Variants in MAPKAP1 observed in about 807,000 individuals in gnomAD.
MAPKAP1 encodes the protein MAPK associated protein 1.
Under a neutral mutation model 65.7 loss-of-function variants are expected in MAPKAP1, and 20 were observed. The observed-to-expected ratio is 0.30, with a 90% confidence interval of 0.21 to 0.44. The LOEUF (loss-of-function observed/expected upper bound fraction) is 0.44. Among genes scored for constraint, MAPKAP1 ranks in the 20% least tolerant of loss-of-function variants. The probability of loss-of-function intolerance (pLI) is 1.00; values close to 1 mark genes in which losing one functional copy is unlikely to be tolerated. For missense variants in MAPKAP1, 423 were observed against 648.0 expected (o/e 0.65, Z 3.77); for synonymous variants, 222 against 244.3 (o/e 0.91, Z 0.85).
intron 4 of MAPKAP1, among the ~76,000 whole-genome samples, chr9:125,593,798 T>C (rs1232883858): frequency 6.6e-6 from 1 of 152,216 alleles, no homozygotes; most frequent in Non-Finnish European, 1.5e-5. Flanking sequence ...GTACTTCCTA[T>C]AGCAAAACTT....
chr9:125,543,871 T>C (rs1470473154), intron 6 of MAPKAP1, among the ~76,000 whole-genome samples: 1 of 152,082 alleles, frequency 6.6e-6, no homozygotes, highest in Admixed American at 6.6e-5. Context: ...TAGATGTCAC[T>C]ACAGGCAGAT....
chr9:125,635,535 C>T (rs148529500), intron 4 of MAPKAP1, among the ~76,000 whole-genome samples: 3 of 152,298 alleles, frequency 2.0e-5, no homozygotes, highest in Admixed American at 6.5e-5. Flanking sequence ...GCCACAAGAC[C>T]GTTCATGAAG....
At chr9:125,506,559 TG>T (rs2133084861) in intron 7 of MAPKAP1, 142 bp from the exon 8 acceptor site, 1 of 678,200 alleles carries the variant, frequency 1.5e-6, no homozygotes, top group South Asian at 1.9e-5. Context: ...CTATCCAGGA[TG>T]GAAGTTTGGG....
At chr9:125,484,059 C>T (rs1854409171) in intron 9 of MAPKAP1, among the ~76,000 whole-genome samples, 1 of 152,098 alleles carries the variant, frequency 6.6e-6, no homozygotes, top group Non-Finnish European at 1.5e-5. Context: ...TAAAAAGCTT[C>T]CTGAATAAAG....
chr9:125,503,926 G>T (rs548085709), intron 8 of MAPKAP1, among the ~76,000 whole-genome samples: 1 of 122,588 alleles, frequency 8.2e-6, no homozygotes, highest in African/African-American at 3.4e-5. Flanking sequence ...TGGTAGAGAC[G>T]GGGGTTTGCC....
chr9:125,679,878 G>A (rs1321213909), intron 1 of MAPKAP1, among the ~76,000 whole-genome samples: 2 of 152,116 alleles, frequency 1.3e-5, no homozygotes, highest in African/African-American at 4.8e-5. Context: ...TGTCAGAATA[G>A]GCAACAGCCC....
chr9:125,591,265 G>A (rs867348157), intron 4 of MAPKAP1, among the ~76,000 whole-genome samples: 18 of 152,098 alleles, frequency 1.2e-4, no homozygotes, highest in African/African-American at 4.1e-4. Flanking sequence ...ACTCTTCAAG[G>A]CTTGAAAATC....
At chr9:125,675,410 TGAA>T (rs1379861107) in intron 1 of MAPKAP1, among the ~76,000 whole-genome samples, 1 of 152,178 alleles carries the variant, frequency 6.6e-6, no homozygotes, top group East Asian at 1.9e-4. Context: ...AGATCACTTC[TGAA>T]GATAAGAGGA....
At chr9:125,538,631 C>T (rs1211560716) in intron 7 of MAPKAP1, among the ~76,000 whole-genome samples, 1 of 152,126 alleles carries the variant, frequency 6.6e-6, no homozygotes, top group Non-Finnish European at 1.5e-5. Flanking sequence ...CTTTGACTGG[C>T]ATTGTCCCTG....
chr9:125,693,720 C>T lies in MAPKAP1; in HGVS notation c.-70+13251G>A, dbSNP rs552312955. On this transcript the variant is annotated intron_variant, in intron 1 of 11. Coordinates refer to ENST00000265960, the MANE Select transcript of MAPKAP1 (RefSeq NM_001006617.3). ...ACACGTATATATACACATATATACA[C>T]GTATATACACATATATACACGTATA... Among the ~76,000 whole-genome samples, 38 of 135,524 alleles carry T rather than the reference C, an allele frequency of 2.8e-4. 5 individuals carry two copies. Among genetic ancestry groups the T allele is most frequent in the African/African-American group, 9.6e-4 (32 of 33,240 alleles). 88.9% of individuals were successfully genotyped at this position (135,524 alleles called of 152,430 possible).
chr9:125,690,696 T>C (rs901498563), intron 1 of MAPKAP1, among the ~76,000 whole-genome samples: 1 of 152,098 alleles, frequency 6.6e-6, no homozygotes, highest in African/African-American at 2.4e-5. Context: ...AGATGAGAAA[T>C]TGGAAGGTTC....
chr9:125,560,517 G>A (rs965492608), intron 5 of MAPKAP1, among the ~76,000 whole-genome samples: 2 of 152,192 alleles, frequency 1.3e-5, no homozygotes, highest in Non-Finnish European at 2.9e-5. Context: ...CCGTGAGGTC[G>A]AGGCTGCAGT....
chr9:125,593,319 T>C (rs563892187), intron 4 of MAPKAP1, among the ~76,000 whole-genome samples: 2 of 150,550 alleles, frequency 1.3e-5, no homozygotes, highest in South Asian at 4.2e-4. Context: ...GAAAAAAATA[T>C]ATATAACTCA....
intron 5 of MAPKAP1, among the ~76,000 whole-genome samples, chr9:125,564,598 T>C (rs1196067761): frequency 6.6e-6 from 1 of 152,176 alleles, no homozygotes; most frequent in Non-Finnish European, 1.5e-5. Context: ...TCACGTCCCC[T>C]TGTTCCTAAG....
intron 4 of MAPKAP1, among the ~76,000 whole-genome samples, chr9:125,624,625 GC>G (rs1438716250): frequency 1.5e-5 from 1 of 68,128 alleles, no homozygotes; most frequent in African/African-American, 5.5e-5. Context: ...GGGGGGGTCA[GC>G]CCCCCTGCCC....
intron 2 of MAPKAP1, 45 bp downstream of exon 2, chr9:125,672,271 T>C (rs1342711719): frequency 1.2e-6 from 2 of 1,602,294 alleles, no homozygotes; most frequent in South Asian, 1.1e-5. Context: ...TAAGACTGTT[T>C]ACTGATTTAA....
chr9:125,593,361 T>C (rs1396619839), intron 4 of MAPKAP1, among the ~76,000 whole-genome samples: 1 of 151,790 alleles, frequency 6.6e-6, no homozygotes, highest in Non-Finnish European at 1.5e-5. Context: ...AAGTAATTTT[T>C]ATCAAAGAAA....
intron 4 of MAPKAP1, among the ~76,000 whole-genome samples, chr9:125,626,460 A>T (rs976126122): frequency 6.6e-6 from 1 of 152,044 alleles, no homozygotes; most frequent in Non-Finnish European, 1.5e-5. Context: ...AGTCATGCCA[A>T]TGTTTAGACC....
At chr9:125,519,374 G>A (rs114875193) in intron 7 of MAPKAP1, among the ~76,000 whole-genome samples, 1 of 152,098 alleles carries the variant, frequency 6.6e-6, no homozygotes, top group Non-Finnish European at 1.5e-5. Flanking sequence ...GGTTGCTCGT[G>A]CCTGTAATCC....
Sources: gnomAD v4.1 joint callset for allele counts (sites outside exome capture counted in the v4.1 genomes callset) on GRCh38, gnomAD v4.1.1 for gene constraint, MANE v1.5 for transcripts, NCBI Gene and HGNC (gene_info 2026-07-23, HGNC 2026-07-21) for gene names.